Variants in DOCK6 observed in about 807,000 individuals in gnomAD.
The protein encoded by DOCK6 is dedicator of cytokinesis protein 6.
Under a neutral mutation model 230.3 loss-of-function variants are expected in DOCK6, and 167 were observed. The observed-to-expected ratio is 0.73, with a 90% CI of 0.64 to 0.82. The LOEUF is 0.82. Among genes scored for constraint, DOCK6 ranks in the 40% least tolerant of loss-of-function variants. The probability of loss-of-function intolerance (pLI) is 0.00; values close to 1 mark genes in which losing one functional copy is unlikely to be tolerated. For synonymous variants in DOCK6, 1,148 were observed against 1,185.0 expected, an observed-to-expected ratio of 0.97 and a Z score of 0.64; for missense variants, 2,598 against 2,825.8, an observed-to-expected ratio of 0.92 and a Z score of 1.83.
Position 11,236,545 on chromosome 19 carries a change from C to T in DOCK6, c.2193G>A (p.Val731=). Residue 731 remains valine (V), a synonymous_variant, in exon 20 of 48, where the codon GTG becomes GTA. Coordinates refer to ENST00000294618, the MANE Select transcript of DOCK6 (RefSeq NM_020812.4). The surrounding 1 kb of genome is among the most constrained non-coding windows in gnomAD (Gnocchi z 5.2). The part of the protein sequence containing the change: ...DPYLDKFFTL[V]HVLEEGAFPF... ...GGAAGGCTCCCTCCTCCAGGACGTG[C>T]ACCAGGGTGAAGAATTTGTCCAGGT... The T allele has an allele frequency of 6.2e-7, 1 of 1,600,696 alleles. No homozygotes were observed. The highest frequency in any genetic ancestry group is 8.5e-7 in the Non-Finnish European group (1 of 1,174,028).
In DOCK6 at chr19:11,201,127, C is replaced by T. The variant is rs1443212280; in HGVS notation, c.5689-75G>A. 6.4e-7 allele frequency: 1 copy of T among 1,564,992 alleles called. No homozygotes were observed. Among genetic ancestry groups the T allele is most frequent in the African/African-American group, 1.4e-5 (1 of 74,004 alleles). ...TGATCGAAGCCAGTCGGGGGCAGCT[C>T]AGACCCCGCTGGGAGTGAGAGGGGT... On this transcript the variant is annotated intron_variant, in intron 44 of 47. Transcript: ENST00000294618. This position sits in a 1 kb window ranked among gnomAD's most constrained non-coding sequence, Gnocchi z 4.3.
Position 11,201,794 on chromosome 19 carries a change from T to C in DOCK6, c.5688+95A>G, listed in dbSNP as rs1238789152. 1 of 1,211,520 alleles carries C rather than the reference T, an allele frequency of 8.3e-7. No individual in the cohort carries two copies. Among genetic ancestry groups the C allele is most frequent in the African/African-American group, 1.5e-5 (1 of 66,482 alleles). The allele number at this position is 1,211,520 out of a possible 1,614,324, so 75.0% of individuals were successfully genotyped here. A position where few individuals can be genotyped will look rare whatever the true frequency, so the allele number is the denominator to read the frequency against. On this transcript the variant is annotated intron_variant, in intron 44 of 47. Transcript: ENST00000294618. This position sits in a 1 kb window ranked among gnomAD's most constrained non-coding sequence, Gnocchi z 4.3. ...TGGGTCTGAGGTCCGTGAACCACCT[T>C]GGGTCTGGGTCCCTGTGTCTACCCT...
At chr19:11,206,540 G>A (rs1008942046) in intron 39 of DOCK6, among the ~76,000 whole-genome samples, 3 of 151,716 alleles carry the variant, frequency 2.0e-5, no homozygotes, top group Admixed American at 2.0e-4. Context: ...CAGCCTGGGT[G>A]AGAGAGTAAG....
At chr19:11,208,390 C>T (rs1005886850) in intron 39 of DOCK6, 2 of 215,578 alleles carry the variant, frequency 9.3e-6, no homozygotes, top group African/African-American at 2.3e-5. Context: ...AAGCGATTCT[C>T]CTGCCTCAGC....
Position 11,222,163 on chromosome 19 carries a change from A to G in DOCK6, c.3326T>C (p.Leu1109Pro). The G allele has an allele frequency of 6.2e-7, 1 of 1,611,990 alleles. No homozygotes were observed. Among genetic ancestry groups the G allele is most frequent in the East Asian group, 2.2e-5 (1 of 44,826 alleles). Residue 1109 changes from leucine to proline, a missense_variant, in exon 27 of 48, where the codon CTA becomes CCA. By Grantham distance (98) the Leu-to-Pro change is moderately conservative. Coordinates refer to ENST00000294618, the MANE Select transcript of DOCK6 (RefSeq NM_020812.4). This position sits in a 1 kb window ranked among gnomAD's most constrained non-coding sequence, Gnocchi z 4.0. ...LSGPFRQQHF[L>P]AGLLLTELAL... ...CAGCTCCGTCAGCAGGAGCCCAGCT[A>G]GGAAGTGCTGCTGCCGGAATGGTCC... is the stretch of plus-strand genomic sequence containing the variant.
chr19:11,241,857 T>G (rs2079951433), intron 14 of DOCK6, 188 bp downstream of exon 14: 11 of 1,303,336 alleles, frequency 8.4e-6, no homozygotes, highest in Non-Finnish European at 1.2e-5. Flanking sequence ...AGGCAGAGGA[T>G]GTAGCCCCAT....
chr19:11,244,831 C>T (rs962671269), intron 9 of DOCK6, among the ~76,000 whole-genome samples: 27 of 151,946 alleles, frequency 1.8e-4, no homozygotes, highest in Admixed American at 6.6e-4. Context: ...TGGGCTAAAG[C>T]GATCCTCCCG....
intron 7 of DOCK6, 125 bp from the exon 8 acceptor site, chr19:11,246,003 A>C (rs1221440373): frequency 1.9e-6 from 2 of 1,059,770 alleles, no homozygotes; most frequent in African/African-American, 3.3e-5. Flanking sequence ...ACCGCCACTT[A>C]AGGGCTTGCA....
chr19:11,214,648 T>G lies in DOCK6; in HGVS notation c.4108A>C (p.Thr1370Pro). 1 of 1,613,458 alleles carries G rather than the reference T, an allele frequency of 6.2e-7. No homozygotes were observed. The highest frequency in any genetic ancestry group is 8.5e-7 in the Non-Finnish European group (1 of 1,179,718). ...GCCTCGTGTTCCATTTCATCCTTGGTCCTGGAAGGGGAAAGGAGGTCTTGG... is the reference window on the plus strand; with the variant it reads ...GCCTCGTGTTCCATTTCATCCTTGGGCCTGGAAGGGGAAAGGAGGTCTTGG... Reference protein sequence around the residue: ...WKQTSDRVDKTKDEMEHEALV... With the variant: ...WKQTSDRVDKPKDEMEHEALV... The change falls in exon 33 of 48, where the codon ACC becomes CCC. Residue 1370 changes from threonine to proline, a missense_variant and splice_region_variant. Coordinates refer to ENST00000294618, the MANE Select transcript of DOCK6 (RefSeq NM_020812.4).
chr19:11,259,556 C>CTTTT lies in DOCK6; in HGVS notation c.44+2837_44+2840dup, dbSNP rs756965986. On this transcript the variant is annotated intron_variant, in intron 1 of 47. Coordinates refer to ENST00000294618, the MANE Select transcript of DOCK6 (RefSeq NM_020812.4). ...CCTCCAATGAATCATTATTTCTTTT[C>CTTTT]TTTTTTTTTTTTTTTTTTTGAGATG... Among the ~76,000 whole-genome samples, 379 of 103,640 alleles carry CTTTT rather than the reference C, an allele frequency of 3.7e-3. 22 individuals are homozygous for CTTTT. Among genetic ancestry groups the CTTTT allele is most frequent in the Middle Eastern group, 8.5e-3 (1 of 118 alleles). The allele number at this position is 103,640 out of a possible 152,430, so 68.0% of individuals were successfully genotyped here.
At chr19:11,238,477 T>C (rs374426551) in intron 14 of DOCK6, 173 bp from the exon 15 acceptor site, 214 of 619,860 alleles carry the variant, frequency 3.5e-4, no homozygotes, top group South Asian at 4.9e-4. Flanking sequence ...AGTCAGGAGA[T>C]AGGACAGAGG....
Position 11,222,790 on chromosome 19 carries a change from C to A in DOCK6, c.3185G>T (p.Cys1062Phe). ...EHYVTLNLPCCPLSPPASPSP... is the reference protein window; with the variant it reads ...EHYVTLNLPCFPLSPPASPSP... ...GGGCGAGGCTGGAGGTGACAGGGGG[C>A]AGCAGGGGAGGTTGAGGGTCACGTA... The change falls in exon 26 of 48, where the codon TGC becomes TTC. Residue 1062 changes from cysteine to phenylalanine, a missense_variant. Coordinates refer to ENST00000294618, the MANE Select transcript of DOCK6 (RefSeq NM_020812.4). This position sits in a 1 kb window ranked among gnomAD's most constrained non-coding sequence, Gnocchi z 4.0. The A allele has an allele frequency of 6.3e-7, 1 of 1,586,438 alleles. No homozygotes were observed. The highest frequency in any genetic ancestry group is 8.6e-7 in the Non-Finnish European group (1 of 1,166,806).
At chr19:11,206,145 C>T (rs1020644815) in intron 39 of DOCK6, 13 of 152,188 alleles carry the variant, frequency 8.5e-5, no homozygotes, top group African/African-American at 2.2e-4. Context: ...CAGCCCCACA[C>T]AAACCAGAAA....
Position 11,214,391 on chromosome 19 carries a change from C to T in DOCK6, c.4222G>A (p.Ala1408Thr), listed in dbSNP as rs771908844. The T allele has an allele frequency of 3.1e-6, 5 of 1,613,722 alleles. No individual in the cohort carries two copies. The highest frequency in any genetic ancestry group is 4.2e-6 in the Non-Finnish European group (5 of 1,179,840). The change falls in exon 34 of 48, where the codon GCC (alanine) becomes ACC (threonine). Residue 1408 changes from alanine (A) to threonine (T), a missense_variant. Physicochemically the swap from Ala to Thr is moderately conservative, Grantham distance 58. Coordinates refer to ENST00000294618, the MANE Select transcript of DOCK6 (RefSeq NM_020812.4). ...ACTGCCCCCAAGACGCTCTCCCGGG[C>T]TTCTGAAAGCATCACCGTCTGGAGG... Reference protein sequence around the residue: ...IIVQTVMLSEARESVLGAVLK... With the variant: ...IIVQTVMLSETRESVLGAVLK...
At chr19:11,216,803 G>T in intron 30 of DOCK6, 111 bp downstream of exon 30, 1 of 1,099,566 alleles carries the variant, frequency 9.1e-7, no homozygotes, top group Non-Finnish European at 1.4e-6. Context: ...GTCCCACAGA[G>T]TCCTCTGCAC....
chr19:11,200,170 A>AAC lies in DOCK6; in HGVS notation c.6101+137_6101+138insGT. 1.1e-6 allele frequency: 1 copy of AAC among 934,608 alleles called. No individual in the cohort carries two copies. The highest frequency in any genetic ancestry group is 1.7e-5 in the African/African-American group (1 of 57,978). The allele number at this position is 934,608 out of a possible 1,614,324, so 57.9% of individuals were successfully genotyped here. A position where few individuals can be genotyped will look rare whatever the true frequency, so the allele number is the denominator to read the frequency against. ...TCTCAAAAAAAAAAACAAAAAAAAAACCGGAAACAAAACAAAGTCCAAGCT... is the reference window on the plus strand; with the variant it reads ...TCTCAAAAAAAAAAACAAAAAAAAAAACCCGGAAACAAAACAAAGTCCAAGCT... On this transcript the variant is annotated intron_variant, in intron 47 of 47. Transcript: ENST00000294618. The surrounding 1 kb of genome is among the most constrained non-coding windows in gnomAD (Gnocchi z 4.3).
rs114634227 is a variant in DOCK6, at chr19:11,250,964, C to T, written c.630G>A (p.Ala210=). 628 of 1,613,768 alleles carry T rather than the reference C, an allele frequency of 3.9e-4. 1 individual carries two copies. In the African/African-American group the frequency reaches 6.9e-3, roughly 18 times the overall value. ...TGCGCCGGTCCACATCTTCTGGGGC[C>T]GCCCGCTCTAGCAGAGAGGGCAGCA... is the stretch of plus-strand genomic sequence containing the variant. ...DSLLPSLLER[A]APEDVDRRNE... is the part of the protein sequence containing the mutation. The change falls in exon 6 of 48, where the codon GCG becomes GCA. Residue 210 remains alanine, a synonymous_variant. Transcript: ENST00000294618.
chr19:11,200,965 C>G lies in DOCK6; in HGVS notation c.5776G>C (p.Asp1926His). The change falls in exon 45 of 48, where the codon GAT becomes CAT. Residue 1926 changes from aspartate (D) to histidine (H), a missense_variant. Coordinates refer to ENST00000294618, the MANE Select transcript of DOCK6 (RefSeq NM_020812.4). This position sits in a 1 kb window ranked among gnomAD's most constrained non-coding sequence, Gnocchi z 4.3. ...LAFATEQDPPDAKMLQMVLQG... is the reference protein window; with the variant it reads ...LAFATEQDPPHAKMLQMVLQG... ...AGCACCATCTGTAGCATCTTAGCAT[C>G]TGGTGGGTCCTGCTCGGTGGCAAAG... 6.2e-7 allele frequency: 1 copy of G among 1,613,980 alleles called. No homozygotes were observed. The highest frequency in any genetic ancestry group is 2.2e-5 in the East Asian group (1 of 44,868).
At chr19:11,208,587 T>A (rs2079304376) in intron 39 of DOCK6, 99 bp downstream of exon 39, 3 of 1,491,956 alleles carry the variant, frequency 2.0e-6, no homozygotes, top group Non-Finnish European at 2.7e-6. Flanking sequence ...CCTATTCTCC[T>A]TCTTTCTAAA....
Sources: allele counts gnomAD v4.1 joint callset (sites outside exome capture counted in the v4.1 genomes callset), GRCh38; gene constraint gnomAD v4.1.1; non-coding constraint Gnocchi (gnomAD v3.1); transcripts MANE v1.5; gene names NCBI Gene and HGNC (gene_info 2026-07-23, HGNC 2026-07-21).